TBC1D10A: variants seen among roughly 807,000 people sequenced by gnomAD.
TBC1D10A encodes EBP50-PDX interactor of 64 kDa.
In TBC1D10A, 24 loss-of-function variants were observed where a neutral mutation model predicts 52.9. The observed-to-expected ratio is 0.45, with a 90% CI of 0.33 to 0.64. TBC1D10A has a LOEUF of 0.64. TBC1D10A is among the 30% of genes least tolerant of loss of function. The pLI, the probability that TBC1D10A is intolerant of heterozygous loss-of-function variation, is 0.02. For synonymous variants in TBC1D10A, 278 were observed against 282.9 expected (o/e 0.98, Z 0.17); for missense variants, 602 against 687.9 (o/e 0.88, Z 1.40).
rs1489673359 is a variant in TBC1D10A, at chr22:30,304,649, G to A, written c.210-19C>T. On this transcript the variant is annotated intron_variant, in intron 1 of 8. Coordinates refer to ENST00000215790, the MANE Select transcript of TBC1D10A (RefSeq NM_031937.3). ...CTCCAGCCTGTGGAGCAGAGGGCAGGGCCTGTGAGAGGTGCCAAGGGAAGC... is the reference window on the plus strand; with the variant it reads ...CTCCAGCCTGTGGAGCAGAGGGCAGAGCCTGTGAGAGGTGCCAAGGGAAGC... The A allele has an allele frequency of 6.2e-7, 1 of 1,612,128 alleles. No homozygotes were observed. The highest frequency in any genetic ancestry group is 8.5e-7 in the Non-Finnish European group (1 of 1,179,110).
intron 1 of TBC1D10A, among the ~76,000 whole-genome samples, chr22:30,320,723 C>T (rs1414299841): frequency 1.3e-5 from 2 of 152,280 alleles, no homozygotes; most frequent in East Asian, 1.9e-4. Flanking sequence ...GATAGAACCA[C>T]GAGCTGCTCC....
intron 1 of TBC1D10A, among the ~76,000 whole-genome samples, chr22:30,321,206 G>A (rs1930645419): frequency 2.0e-5 from 3 of 152,286 alleles, no homozygotes; most frequent in South Asian, 2.1e-4. Flanking sequence ...CCACCAAACC[G>A]GATATTCCTT....
chr22:30,323,927 C>T (rs1031719862), intron 1 of TBC1D10A, among the ~76,000 whole-genome samples: 10 of 152,040 alleles, frequency 6.6e-5, no homozygotes, highest in Non-Finnish European at 1.3e-4. Flanking sequence ...GTTGAGACTG[C>T]GCCACTGCAC....
intron 2 of TBC1D10A, among the ~76,000 whole-genome samples, chr22:30,301,217 G>A (rs549167049): frequency 6.6e-6 from 1 of 152,264 alleles, no homozygotes; most frequent in Admixed American, 6.5e-5. Context: ...GAAGGCAGTT[G>A]CCCTGACCCG....
intron 3 of TBC1D10A, chr22:30,296,106 T>C: frequency 2.2e-6 from 1 of 457,080 alleles, no homozygotes; most frequent in Non-Finnish European, 3.9e-6. Context: ...GAGTGTCCAC[T>C]CCAGCTGCGG....
chr22:30,315,279 G>A (rs1446583370), intron 1 of TBC1D10A, among the ~76,000 whole-genome samples: 1 of 152,220 alleles, frequency 6.6e-6, no homozygotes, highest in Non-Finnish European at 1.5e-5. Flanking sequence ...TAAAATCTCA[G>A]AGGGTAATTT....
rs144236899 is a variant in TBC1D10A at position 30,326,808 on chromosome 22, C to A, written c.74G>T (p.Ser25Ile). The change falls in exon 1 of 9, where the codon AGC becomes ATC. Residue 25 changes from serine to isoleucine, a missense_variant. Physicochemically the swap from Ser to Ile is moderately radical, Grantham distance 142. Transcript: ENST00000215790. ...TGCGGCGTCGGGGCCCTGGGCCAGG[C>A]TCTCCCGGGTTCCCGACAGGCTTTC... Reference protein sequence around the residue: ...AGESLSGTRESLAQGPDAATT... With the variant: ...AGESLSGTREILAQGPDAATT... 102 of 1,483,508 alleles carry A rather than the reference C, an allele frequency of 6.9e-5. No individual in the cohort carries two copies. In the African/African-American group the frequency reaches 1.4e-3, roughly 20 times the overall value. 91.9% of individuals were successfully genotyped at this position (1,483,508 alleles called of 1,614,324 possible).
chr22:30,310,920 C>T (rs1053331778), intron 1 of TBC1D10A, among the ~76,000 whole-genome samples: 3 of 152,088 alleles, frequency 2.0e-5, no homozygotes, highest in East Asian at 1.9e-4. Context: ...GGGTGAATAA[C>T]GTGAAAAAAA....
intron 1 of TBC1D10A, among the ~76,000 whole-genome samples, chr22:30,304,903 C>T (rs1601673877): frequency 2.6e-5 from 4 of 152,368 alleles, no homozygotes. Context: ...CTCTCTGAGG[C>T]AGAGGCTGAG....
In TBC1D10A at chr22:30,299,540, C is replaced by T. The variant is rs776339960; in HGVS notation, c.321G>A (p.Arg107=). The T allele has an allele frequency of 3.1e-6, 5 of 1,614,080 alleles. No homozygotes were observed. In the South Asian group the frequency reaches 5.5e-5, roughly 18 times the overall value. The part of the protein sequence containing the change: ...MAKKHKKIRL[R]CQKGIPPSLR... ...GAGAAGGCGGGATGCCCTTTTGGCA[C>T]CGCAGACGAATCTGAAAATCAAAAG... The change falls in exon 3 of 9, where the codon CGG becomes CGA. Residue 107 remains arginine, a synonymous_variant. Transcript: ENST00000215790.
intron 1 of TBC1D10A, among the ~76,000 whole-genome samples, chr22:30,316,464 T>G (rs990054890): frequency 5.9e-5 from 9 of 151,424 alleles, no homozygotes; most frequent in African/African-American, 2.2e-4. Context: ...TGTTTTTGTT[T>G]TTTTTTTTTT....
chr22:30,316,693 A>G (rs1040875935), intron 1 of TBC1D10A, among the ~76,000 whole-genome samples: 1 of 151,954 alleles, frequency 6.6e-6, no homozygotes, highest in Admixed American at 6.6e-5. Context: ...CATATACTCC[A>G]CGGTCAGTCT....
intron 3 of TBC1D10A, chr22:30,298,112 C>A (rs1930123004): frequency 6.6e-6 from 1 of 152,270 alleles, no homozygotes; most frequent in Non-Finnish European, 1.5e-5. Context: ...GCTGCACACA[C>A]ACTCATGCTT....
At chr22:30,304,916 A>T (rs1175213582) in intron 1 of TBC1D10A, among the ~76,000 whole-genome samples, 1 of 152,228 alleles carries the variant, frequency 6.6e-6, no homozygotes, top group Non-Finnish European at 1.5e-5. Context: ...AGGCTGAGTG[A>T]GTGTCTGCAT....
At chr22:30,303,296 G>GATAA (rs1266095165) in intron 2 of TBC1D10A, among the ~76,000 whole-genome samples, 1 of 148,644 alleles carries the variant, frequency 6.7e-6, no homozygotes, top group Non-Finnish European at 1.5e-5. Flanking sequence ...TAGTTAGATA[G>GATAA]ATAGATAGAT....
rs183028391 is a variant in TBC1D10A at position 30,293,461 on chromosome 22, G to A, written c.1050+190C>T. 1.2e-5 allele frequency: 11 copies of A among 915,664 alleles called. No individual in the cohort carries two copies. The Admixed American group carries it at 2.1e-4, about 18-fold the overall frequency. The allele number at this position is 915,664 out of a possible 1,614,324, so 56.7% of individuals were successfully genotyped here. ...GCTCGGATCCAGAAGGCCCTGCAGA[G>A]CCAAGCCTCTCTGTGCCCCATGCTC... is the stretch of plus-strand genomic sequence containing the variant. On this transcript the variant is annotated intron_variant, in intron 8 of 8. Transcript: ENST00000215790.
chr22:30,324,156 GGAGTCAGA>G (rs1930717154), intron 1 of TBC1D10A, among the ~76,000 whole-genome samples: 1 of 152,074 alleles, frequency 6.6e-6, no homozygotes, highest in African/African-American at 2.4e-5. Context: ...CCTTTAATCT[GGAGTCAGA>G]GTCCCCACCA....
chr22:30,314,622 C>T (rs1930495368), intron 1 of TBC1D10A, among the ~76,000 whole-genome samples: 1 of 152,038 alleles, frequency 6.6e-6, no homozygotes, highest in Non-Finnish European at 1.5e-5. Context: ...CCAGCCTGGG[C>T]AAGAGAGTGA....
chr22:30,321,273 A>T (rs1930646681), intron 1 of TBC1D10A, among the ~76,000 whole-genome samples: 1 of 152,228 alleles, frequency 6.6e-6, no homozygotes, highest in Non-Finnish European at 1.5e-5. Flanking sequence ...CTAGAGTCAC[A>T]GCCCAGGGCC....
Sources: gnomAD v4.1 joint callset for allele counts (sites outside exome capture counted in the v4.1 genomes callset) on GRCh38, gnomAD v4.1.1 for gene constraint, MANE v1.5 for transcripts, NCBI Gene and HGNC (gene_info 2026-07-23, HGNC 2026-07-21) for gene names.